MARCHF10: variants seen among roughly 807,000 people sequenced by gnomAD.
MARCHF10 encodes membrane associated ring-CH-type finger 10, also known as probable E3 ubiquitin-protein ligase MARCHF10.
In MARCHF10, 64 loss-of-function variants were observed where a neutral mutation model predicts 76.2. The ratio of observed to expected loss-of-function variants is 0.84; its 90% confidence interval spans 0.69 to 1.03. The LOEUF is 1.03. Among genes scored for constraint, MARCHF10 ranks in the 50% least tolerant of loss-of-function variants. MARCHF10 has a pLI of 0.00. For synonymous variants in MARCHF10, 340 were observed against 357.5 expected (o/e 0.95, Z 0.55); for missense variants, 875 against 958.0 (o/e 0.91, Z 1.14).
rs543417702 is a variant in MARCHF10 at position 62,804,899 on chromosome 17, C to T, written c.-17-3147G>A. On this transcript the variant is annotated intron_variant, in intron 1 of 10. Transcript: ENST00000311269. ...CAGGATGGGACAGGCGACATCTCTA[C>T]CTTCAGGTGTATACGTTCTGCGGCA... The T allele has an allele frequency of 2.0e-5, 3 of 152,350 alleles. No individual in the cohort carries two copies. The South Asian group carries it at 6.2e-4, about 32-fold the overall frequency. 9.4% of individuals were successfully genotyped at this position (152,350 alleles called of 1,614,324 possible).
In MARCHF10 at chr17:62,753,032, C is replaced by T. The variant is rs139468467; in HGVS notation, c.382+6803G>A. On this transcript the variant is annotated intron_variant, in intron 4 of 10. Transcript: ENST00000311269. ...CCTTGGAGGCCTGATCCTTGCCTACCGGTGGGGCCTCAACTTTATATTTCC... is the reference window on the plus strand; with the variant it reads ...CCTTGGAGGCCTGATCCTTGCCTACTGGTGGGGCCTCAACTTTATATTTCC... Among the ~76,000 whole-genome samples the T allele has an allele frequency of 4.3e-3, 650 of 152,296 alleles. 4 individuals are homozygous for T. Among genetic ancestry groups the T allele is most frequent in the Middle Eastern group, 6.8e-3 (2 of 294 alleles).
At position 62,808,118 on chromosome 17, in the gene MARCHF10, C is replaced by G. The variant is rs1265923460; in HGVS notation, c.-59G>C. ...CCTCCCCTGCCGGGGCTACAGGGGT[C>G]GAGGGGCTGGGCGGGCGGGCCGGTC... On this transcript the variant is annotated 5_prime_UTR_variant, in exon 1 of 11. Transcript: ENST00000311269. The G allele has an allele frequency of 5.3e-5, 1 of 18,716 alleles. No individual in the cohort carries two copies. The highest frequency in any genetic ancestry group is 9.8e-5 in the Non-Finnish European group (1 of 10,240). The allele number at this position is 18,716 out of a possible 1,614,324, so 1.2% of individuals were successfully genotyped here.
rs555326102 is a variant in MARCHF10, at chr17:62,740,199, C to G, written c.536-2867G>C. Among the ~76,000 whole-genome samples the G allele has an allele frequency of 1.1e-4, 17 of 152,166 alleles. No homozygotes were observed. The South Asian group carries it at 3.3e-3, about 30-fold the overall frequency. On this transcript the variant is annotated intron_variant, in intron 5 of 10. Transcript: ENST00000311269. ...AGAGCAGATTTCAGGAGCTCTAGGGCTGGGAATAGACAGGCACACTGGTAT... is the reference window on the plus strand; with the variant it reads ...AGAGCAGATTTCAGGAGCTCTAGGGGTGGGAATAGACAGGCACACTGGTAT...
Position 62,725,064 on chromosome 17 carries a change from G to T in MARCHF10, c.1978C>A (p.Arg660Ser). The change falls in exon 7 of 11, where the codon CGC becomes AGC. Residue 660 changes from arginine (R) to serine (S), a missense_variant. Arg to Ser is a moderately radical substitution (Grantham distance 110). Coordinates refer to ENST00000311269, the MANE Select transcript of MARCHF10 (RefSeq NM_152598.4). The part of the protein sequence containing the change: ...EDSEEEGDLC[R>S]ICQIAGGSPS... ...GAACCCCCGGCTATCTGACAGATGC[G>T]ACACAAGTCTCCCTCCTCCTCGGAG... The T allele has an allele frequency of 6.2e-7, 1 of 1,604,794 alleles. No homozygotes were observed. Among genetic ancestry groups the T allele is most frequent in the South Asian group, 1.1e-5 (1 of 89,186 alleles).
intron 4 of MARCHF10, among the ~76,000 whole-genome samples, chr17:62,754,316 G>A (rs552076236): frequency 1.2e-4 from 19 of 152,126 alleles, no homozygotes; most frequent in Non-Finnish European, 2.6e-4. Flanking sequence ...CAGGTGATCC[G>A]CTTGCCTTGG....
At chr17:62,714,457 A>T (rs1024653) in intron 8 of MARCHF10, 8 of 979,596 alleles carry the variant, frequency 8.2e-6, no homozygotes, top group Admixed American at 1.2e-4. Flanking sequence ...ATTTAAAGAC[A>T]GGATTCCAGG....
intron 7 of MARCHF10, among the ~76,000 whole-genome samples, chr17:62,723,236 A>G (rs1245402445): frequency 6.7e-6 from 1 of 150,174 alleles, no homozygotes; most frequent in African/African-American, 2.5e-5. Context: ...CAGGCATTCT[A>G]GATCAGCATT....
chr17:62,801,458 C>CA (rs2093070832), intron 2 of MARCHF10, among the ~76,000 whole-genome samples, 188 bp downstream of exon 2: 2 of 147,350 alleles, frequency 1.4e-5, no homozygotes, highest in African/African-American at 5.1e-5. Context: ...CAGCTATCCC[C>CA]GTTTTTTTTT....
chr17:62,725,463 C>T (rs4968627), intron 6 of MARCHF10, among the ~76,000 whole-genome samples: 52,996 of 152,014 alleles, frequency 0.35, 9,330 homozygotes, highest in African/African-American at 0.38. Context: ...TGGAGTCTCA[C>T]GATGTTGCCC....
chr17:62,759,933 T>C lies in MARCHF10; in HGVS notation c.284A>G (p.Lys95Arg), dbSNP rs750002731. ...IKISAFKCDSKLPAIDQTSVK... is the reference protein window; with the variant it reads ...IKISAFKCDSRLPAIDQTSVK... ...TGATGTTTGGTCAATTGCTGGAAGT[T>C]TGGAGTCACACTTAAATGCAGATAT... is the stretch of plus-strand genomic sequence containing the variant. The change falls in exon 4 of 11, where the codon AAA becomes AGA. Residue 95 changes from lysine to arginine, a missense_variant. Coordinates refer to ENST00000311269, the MANE Select transcript of MARCHF10 (RefSeq NM_152598.4). 6 of 1,613,964 alleles carry C rather than the reference T, an allele frequency of 3.7e-6. No individual in the cohort carries two copies. Among genetic ancestry groups the C allele is most frequent in the Middle Eastern group, 1.6e-4 (1 of 6,084 alleles).
chr17:62,718,093 G>A (rs996659989), intron 8 of MARCHF10, among the ~76,000 whole-genome samples: 2 of 152,138 alleles, frequency 1.3e-5, no homozygotes, highest in Non-Finnish European at 2.9e-5. Flanking sequence ...AGCCTCCTCT[G>A]CCCACACTCT....
At chr17:62,776,901 G>C (rs186779433) in intron 3 of MARCHF10, among the ~76,000 whole-genome samples, 47 of 152,264 alleles carry the variant, frequency 3.1e-4, no homozygotes, top group African/African-American at 1.1e-3. Context: ...TCTGTAGAGT[G>C]GTATGCCAGG....
chr17:62,726,803 A>G (rs1333819482), intron 6 of MARCHF10, among the ~76,000 whole-genome samples: 1 of 151,752 alleles, frequency 6.6e-6, no homozygotes, highest in African/African-American at 2.4e-5. Flanking sequence ...TAATTTTTGT[A>G]TTTTTAGTAG....
Position 62,701,384 on chromosome 17 carries a change from A to G in MARCHF10, c.*319T>C. On this transcript the variant is annotated 3_prime_UTR_variant, in exon 11 of 11. Transcript: ENST00000311269. The stretch of plus-strand genomic sequence containing the variant: ...CATTCAGGGTGGAGTGAGGCCTGGC[A>G]GGTGCCCTCAGCAGTGGGACCCCAG... The G allele has an allele frequency of 2.3e-6, 1 of 434,380 alleles. No individual in the cohort carries two copies. Among genetic ancestry groups the G allele is most frequent in the Non-Finnish European group, 4.2e-6 (1 of 236,938 alleles). 26.9% of individuals were successfully genotyped at this position (434,380 alleles called of 1,614,324 possible).
At chr17:62,734,590 T>C (rs1359483347) in intron 6 of MARCHF10, among the ~76,000 whole-genome samples, 1 of 152,210 alleles carries the variant, frequency 6.6e-6, no homozygotes, top group Non-Finnish European at 1.5e-5. Context: ...TCACTAAAAA[T>C]TGCATTTATA....
At chr17:62,786,246 G>T (rs1431542402) in intron 3 of MARCHF10, among the ~76,000 whole-genome samples, 4 of 152,098 alleles carry the variant, frequency 2.6e-5, no homozygotes, top group African/African-American at 9.7e-5. Flanking sequence ...CATGGATGAA[G>T]CTGGAAACCA....
intron 2 of MARCHF10, among the ~76,000 whole-genome samples, chr17:62,791,045 A>C (rs569168137): frequency 1.6e-4 from 25 of 152,322 alleles, no homozygotes; most frequent in Admixed American, 1.1e-3. Context: ...TAAACACTGG[A>C]CTCTGTTTGT....
At chr17:62,784,323 AC>A (rs1252139568) in intron 3 of MARCHF10, among the ~76,000 whole-genome samples, 1 of 152,058 alleles carries the variant, frequency 6.6e-6, no homozygotes, top group South Asian at 2.1e-4. Context: ...AAATTCAACA[AC>A]CCCTCATGCT....
intron 8 of MARCHF10, among the ~76,000 whole-genome samples, chr17:62,717,421 C>T (rs895469365): frequency 2.6e-5 from 4 of 152,374 alleles, no homozygotes; most frequent in African/African-American, 7.2e-5. Flanking sequence ...CCTGCTTCCA[C>T]GTGGAGCAAT....
Sources: allele counts gnomAD v4.1 joint callset (sites outside exome capture counted in the v4.1 genomes callset), GRCh38; gene constraint gnomAD v4.1.1; transcripts MANE v1.5; gene names NCBI Gene and HGNC (gene_info 2026-07-23, HGNC 2026-07-21).